The following BACH2 variants were observed in gnomAD, a reference collection of about 807,000 sequenced individuals.
BACH2 encodes BACH transcriptional regulator 2.
Under a neutral mutation model 61.8 loss-of-function variants are expected in BACH2, and 5 were observed. That is an observed-to-expected ratio of 0.08 (90% CI 0.04 to 0.17). BACH2 has a LOEUF of 0.17. Ranked by LOEUF, BACH2 falls within the 10% of genes least tolerant of loss-of-function variation. The pLI is 1.00. For synonymous variants in BACH2, 446 were observed against 440.1 expected (o/e 1.01, Z -0.17); for missense variants, 824 against 1,091.1 (o/e 0.76, Z 3.45).
chr6:89,951,379 A>G lies in BACH2; in HGVS notation c.727T>C (p.Tyr243His). Residue 243 changes from tyrosine (Y) to histidine (H), a missense_variant, in exon 7 of 9, where the codon TAT (tyrosine) becomes CAT (histidine). Tyr to His is a moderately conservative substitution (Grantham distance 83, BLOSUM62 2). This residue lies in a region of BACH2 where 226 missense variants were observed against 228.5 expected (regional missense o/e 0.99). Coordinates refer to ENST00000257749, the MANE Select transcript of BACH2 (RefSeq NM_021813.4). This position sits in a 1 kb window ranked among gnomAD's most constrained non-coding sequence, Gnocchi z 6.4. ...GAGGTACTGTGTGATGATGCATTATAGACATTCTTGGTACATGCAAGCTGG... is the reference window on the plus strand; with the variant it reads ...GAGGTACTGTGTGATGATGCATTATGGACATTCTTGGTACATGCAAGCTGG... ...KYQLACTKNV[Y>H]NASSHSTSGF... The G allele has an allele frequency of 6.2e-7, 1 of 1,614,250 alleles. No individual in the cohort carries two copies.
chr6:90,093,046 G>C (rs1782238810), intron 4 of BACH2, among the ~76,000 whole-genome samples: 1 of 152,320 alleles, frequency 6.6e-6, no homozygotes, highest in Non-Finnish European at 1.5e-5. Context: ...CATTTTGCTG[G>C]ACTGAGGGGA....
At chr6:90,169,400 C>G (rs1480392643) in intron 4 of BACH2, among the ~76,000 whole-genome samples, 1 of 152,128 alleles carries the variant, frequency 6.6e-6, no homozygotes, top group Non-Finnish European at 1.5e-5. Flanking sequence ...GAATAACGTT[C>G]TGCAATAACT....
At chr6:90,035,976 G>A (rs963143012) in intron 5 of BACH2, among the ~76,000 whole-genome samples, 1 of 151,796 alleles carries the variant, frequency 6.6e-6, no homozygotes, top group Non-Finnish European at 1.5e-5. Flanking sequence ...CTAAAATTAA[G>A]CCCATTTACT....
intron 6 of BACH2, among the ~76,000 whole-genome samples, chr6:89,976,891 T>C (rs1775681694): frequency 6.6e-6 from 1 of 152,226 alleles, no homozygotes; most frequent in Admixed American, 6.5e-5. Flanking sequence ...TTAACTTGCC[T>C]GAGCTTTTTG....
intron 5 of BACH2, among the ~76,000 whole-genome samples, chr6:90,075,310 G>A (rs1427347631): frequency 6.6e-6 from 1 of 152,168 alleles, no homozygotes; most frequent in Non-Finnish European, 1.5e-5. Context: ...TGTAAGCACA[G>A]CCTTTCTATG....
At chr6:90,037,345 T>C (rs920261462) in intron 5 of BACH2, among the ~76,000 whole-genome samples, 2 of 152,366 alleles carry the variant, frequency 1.3e-5, no homozygotes, top group Middle Eastern at 6.8e-3. Flanking sequence ...TGAACTGTTA[T>C]AACATGCCAA....
intron 6 of BACH2, among the ~76,000 whole-genome samples, chr6:89,956,293 G>C (rs1055232850): frequency 7.9e-5 from 12 of 152,144 alleles, no homozygotes; most frequent in African/African-American, 2.9e-4. Context: ...TGTGCCATGT[G>C]GGGGCGAGAC....
In BACH2 at chr6:89,951,086, G is replaced by A. The variant is rs140713874; in HGVS notation, c.1020C>T (p.Cys340=). Residue 340 remains cysteine (C), a synonymous_variant, in exon 7 of 9, where the codon TGC becomes TGT. Coordinates refer to ENST00000257749, the MANE Select transcript of BACH2 (RefSeq NM_021813.4). This position sits in a 1 kb window ranked among gnomAD's most constrained non-coding sequence, Gnocchi z 6.4. ...ERSRSVASPS[C]LRSLFSITKS... ...TCGTTATGCTGAACAGAGACCTTAA[G>A]CAGGAGGGCGAGGCCACGCTCCTGG... 3.4e-5 allele frequency: 55 copies of A among 1,612,496 alleles called. No individual in the cohort carries two copies. Among genetic ancestry groups the A allele is most frequent in the African/African-American group, 9.3e-5 (7 of 74,890 alleles).
At chr6:90,129,998 T>C (rs1468512859) in intron 4 of BACH2, among the ~76,000 whole-genome samples, 2 of 152,050 alleles carry the variant, frequency 1.3e-5, no homozygotes, top group Non-Finnish European at 2.9e-5. Context: ...GCCTCCCGAG[T>C]AGCTGGGATT....
chr6:90,116,176 T>C (rs1783388537), intron 4 of BACH2, among the ~76,000 whole-genome samples: 1 of 152,040 alleles, frequency 6.6e-6, no homozygotes, highest in Non-Finnish European at 1.5e-5. Flanking sequence ...CATTCTCCCA[T>C]AAAGACACAC....
chr6:90,105,755 A>G (rs1782874859), intron 4 of BACH2, among the ~76,000 whole-genome samples: 1 of 152,214 alleles, frequency 6.6e-6, no homozygotes, highest in Non-Finnish European at 1.5e-5. Flanking sequence ...TGCTAACCAA[A>G]TGAACAAGAA....
intron 5 of BACH2, chr6:90,080,727 A>G: frequency 1.0e-6 from 1 of 981,298 alleles, no homozygotes; most frequent in Non-Finnish European, 1.2e-6. Flanking sequence ...AGGAAACAAA[A>G]GGCGTCAACC....
At chr6:90,038,999 C>G (rs991801138) in intron 5 of BACH2, among the ~76,000 whole-genome samples, 3 of 150,642 alleles carry the variant, frequency 2.0e-5, no homozygotes, top group African/African-American at 7.3e-5. Context: ...GAGATTGCAC[C>G]ACTGCACCCC....
chr6:89,997,966 A>G (rs182670035), intron 6 of BACH2, among the ~76,000 whole-genome samples: 1 of 152,376 alleles, frequency 6.6e-6, no homozygotes, highest in Admixed American at 6.5e-5. Context: ...CAAAAATTAA[A>G]GAAATCAATA....
intron 5 of BACH2, among the ~76,000 whole-genome samples, chr6:90,075,340 CA>C (rs1781426505): frequency 6.6e-6 from 1 of 152,066 alleles, no homozygotes; most frequent in African/African-American, 2.4e-5. Context: ...ATATATGGCA[CA>C]AAAACATTTT....
chr6:90,157,487 G>T (rs1785034002), intron 4 of BACH2, among the ~76,000 whole-genome samples: 1 of 152,214 alleles, frequency 6.6e-6, no homozygotes, highest in Non-Finnish European at 1.5e-5. Flanking sequence ...CGACAGAGTT[G>T]CCTGGAAGTA....
chr6:90,044,172 A>G (rs1779674560), intron 5 of BACH2, among the ~76,000 whole-genome samples: 1 of 152,204 alleles, frequency 6.6e-6, no homozygotes, highest in East Asian at 1.9e-4. Flanking sequence ...AATGTGCTGT[A>G]GAGGAAAAAA....
chr6:90,262,490 G>A (rs1413160208), intron 2 of BACH2, among the ~76,000 whole-genome samples: 3 of 152,112 alleles, frequency 2.0e-5, no homozygotes, highest in African/African-American at 7.2e-5. Context: ...CAGCAATCCT[G>A]CCCTGTTCCT....
chr6:90,064,309 C>T (rs931862186), intron 5 of BACH2, among the ~76,000 whole-genome samples: 9 of 152,206 alleles, frequency 5.9e-5, no homozygotes, highest in South Asian at 4.2e-4. Context: ...TTGACAGATG[C>T]GTAGTATCTC....
Sources: gnomAD v4.1 joint callset for allele counts (sites outside exome capture counted in the v4.1 genomes callset) on GRCh38, gnomAD v4.1.1 for gene constraint, gnomAD v4.1.1 regional missense constraint, Gnocchi (gnomAD v3.1) non-coding constraint, MANE v1.5 for transcripts, NCBI Gene and HGNC (gene_info 2026-07-23, HGNC 2026-07-21) for gene names.